CACNB2: variants seen among roughly 807,000 people sequenced by gnomAD.
CACNB2 encodes the protein voltage-dependent L-type calcium channel subunit beta-2.
CACNB2 carries 42 observed loss-of-function variants against 73.3 expected under a neutral mutation model. That is an observed-to-expected ratio of 0.57 (90% CI 0.45 to 0.74). The LOEUF is 0.74. Among genes scored for constraint, CACNB2 ranks in the 30% least tolerant of loss-of-function variants. The probability of loss-of-function intolerance (pLI) is 0.00; values close to 1 mark genes in which losing one functional copy is unlikely to be tolerated. For missense variants in CACNB2, 940 were observed against 853.0 expected (o/e 1.10, Z -1.27); for synonymous variants, 348 against 310.3 (o/e 1.12, Z -1.28).
chr10:18,332,648 A>G (rs1369090865), intron 2 of CACNB2, among the ~76,000 whole-genome samples: 2 of 152,180 alleles, frequency 1.3e-5, no homozygotes, highest in Non-Finnish European at 2.9e-5. Flanking sequence ...GAGGATTAGG[A>G]AACAGGGTGA....
chr10:18,348,796 C>T (rs1266628876), intron 2 of CACNB2, among the ~76,000 whole-genome samples: 3 of 152,098 alleles, frequency 2.0e-5, no homozygotes, highest in Non-Finnish European at 4.4e-5. Context: ...AGCCACTGTG[C>T]CCAGATACAA....
chr10:18,230,933 C>T (rs2036201467), intron 2 of CACNB2, among the ~76,000 whole-genome samples: 1 of 151,502 alleles, frequency 6.6e-6, no homozygotes, highest in Non-Finnish European at 1.5e-5. Context: ...AAAGAAAAAC[C>T]CAGAAATTTC....
At chr10:18,273,975 A>G (rs1309094967) in intron 2 of CACNB2, among the ~76,000 whole-genome samples, 1 of 152,184 alleles carries the variant, frequency 6.6e-6, no homozygotes, top group African/African-American at 2.4e-5. Context: ...AGGTCTGAAC[A>G]AACACTGTTC....
chr10:18,539,346 AG>A lies in CACNB2; in HGVS notation c.1606del (p.Ala536ProfsTer33). 6.2e-7 allele frequency: 1 copy of A among 1,614,112 alleles called. No individual in the cohort carries two copies. On this transcript the variant is annotated frameshift_variant, in exon 14 of 14. Transcript: ENST00000324631. LOFTEE classifies it high-confidence loss of function. ...KKSQHRSSSS[A>X]PHHNHRSGTS... is the part of the protein sequence containing the mutation. ...AATCCCAGCACCGCTCTTCCTCCTCAGCCCCACACCACAACCATCGCAGTGG... is the reference window on the plus strand; with the variant it reads ...AATCCCAGCACCGCTCTTCCTCCTCACCCCACACCACAACCATCGCAGTGG...
At position 18,540,360 on chromosome 10, in the gene CACNB2, A is replaced by C. The variant is rs1230209299; in HGVS notation, c.*636A>C. On this transcript the variant is annotated 3_prime_UTR_variant, in exon 14 of 14. Transcript: ENST00000324631. ...TATATATATATATCAGTTTGATCAC[A>C]CTATTTTAGAGTCTTAATGCCAAGT... is the stretch of plus-strand genomic sequence containing the variant. The C allele has an allele frequency of 6.6e-6, 1 of 152,040 alleles. No homozygotes were observed. 9.4% of individuals were successfully genotyped at this position (152,040 alleles called of 1,614,324 possible). A position where few individuals can be genotyped will look rare whatever the true frequency, so the allele number is the denominator to read the frequency against.
chr10:18,260,797 A>G (rs2037500840), intron 2 of CACNB2: 8 of 1,017,342 alleles, frequency 7.9e-6, no homozygotes, highest in Non-Finnish European at 9.4e-6. Flanking sequence ...CAGTCACATA[A>G]ACAGCAGCAG....
chr10:18,481,206 A>C (rs1434107706), intron 3 of CACNB2, among the ~76,000 whole-genome samples: 1 of 12,398 alleles, frequency 8.1e-5, no homozygotes, highest in Non-Finnish European at 1.4e-4. Flanking sequence ...ATATATATAT[A>C]TATATATATA....
At chr10:18,477,798 G>GCACTTTTCAGTAAATTGGCACTTTCCT (rs2048515596) in intron 3 of CACNB2, among the ~76,000 whole-genome samples, 1 of 152,212 alleles carries the variant, frequency 6.6e-6, no homozygotes, top group Non-Finnish European at 1.5e-5. Context: ...AGATAAGATG[G>GCACTTTTCAGTAAATTGGCACTTTCCT]ACACAGAGTA....
intron 2 of CACNB2, among the ~76,000 whole-genome samples, chr10:18,398,662 G>T (rs891323514): frequency 2.2e-4 from 32 of 144,926 alleles, no homozygotes; most frequent in African/African-American, 8.3e-4. Flanking sequence ...GTGACAGTGA[G>T]ACTGTCACAC....
Position 18,244,418 on chromosome 10 carries a change from A to G in CACNB2, c.213+93443A>G, listed in dbSNP as rs61844242. Among the ~76,000 whole-genome samples the G allele has an allele frequency of 4.0e-3, 610 of 152,326 alleles. 6 individuals carry two copies. The highest frequency in any genetic ancestry group is 0.02 in the Middle Eastern group (6 of 294). ...ATGTCAGTGATTATGGGGATCCCTA[A>G]AGGATATGGCTTTTCCTAACGTGCA... On this transcript the variant is annotated intron_variant, in intron 2 of 13. Transcript: ENST00000324631.
At chr10:18,390,792 A>C (rs575064257) in intron 2 of CACNB2, among the ~76,000 whole-genome samples, 1 of 152,358 alleles carries the variant, frequency 6.6e-6, no homozygotes, top group Admixed American at 6.5e-5. Flanking sequence ...TTATATTTAC[A>C]ATATATTCGC....
chr10:18,279,118 C>G (rs1015428526), intron 2 of CACNB2, among the ~76,000 whole-genome samples: 12 of 152,300 alleles, frequency 7.9e-5, no homozygotes, highest in Middle Eastern at 6.8e-3. Context: ...TTATCAAGGA[C>G]GTTTTAATTT....
rs1364684805 is a variant in CACNB2 at position 18,314,576 on chromosome 10, G to A, written c.214-87348G>A. Among the ~76,000 whole-genome samples, 3 of 150,356 alleles carry A rather than the reference G, an allele frequency of 2.0e-5. No homozygotes were observed. The East Asian group carries it at 5.8e-4, about 29-fold the overall frequency. On this transcript the variant is annotated intron_variant, in intron 2 of 13. Coordinates refer to ENST00000324631, the MANE Select transcript of CACNB2 (RefSeq NM_201596.3). Reference sequence around the variant, plus strand: ...TTCCACAGTTCATCTTCCCACATTTGTGAGAAAAAAAAAACGTGAGCCACC... The same window carrying A: ...TTCCACAGTTCATCTTCCCACATTTATGAGAAAAAAAAAACGTGAGCCACC...
chr10:18,445,501 C>G (rs542318428), intron 3 of CACNB2, among the ~76,000 whole-genome samples: 1 of 152,252 alleles, frequency 6.6e-6, no homozygotes, highest in Admixed American at 6.5e-5. Flanking sequence ...TTCCTATGTA[C>G]AGGAGATTTC....
chr10:18,334,317 G>C (rs1033386217), intron 2 of CACNB2, among the ~76,000 whole-genome samples: 1 of 152,082 alleles, frequency 6.6e-6, no homozygotes, highest in Admixed American at 6.6e-5. Context: ...GCGTCTGTGC[G>C]CTTCTCCCAG....
Position 18,449,421 on chromosome 10 carries a change from A to G in CACNB2, c.333+47378A>G, listed in dbSNP as rs552286568. ...AAAATAAAACACACAACAACAAAAAACAGAGAACTCCAGTTCTACCTCTCC... is the reference window on the plus strand; with the variant it reads ...AAAATAAAACACACAACAACAAAAAGCAGAGAACTCCAGTTCTACCTCTCC... On this transcript the variant is annotated intron_variant, in intron 3 of 13. Coordinates refer to ENST00000324631, the MANE Select transcript of CACNB2 (RefSeq NM_201596.3). Among the ~76,000 whole-genome samples the G allele has an allele frequency of 4.5e-4, 68 of 152,100 alleles. 1 individual carries two copies. The highest frequency in any genetic ancestry group is 4.4e-3 in the Admixed American group (67 of 15,264).
At chr10:18,497,634 A>G (rs768815983) in intron 3 of CACNB2, among the ~76,000 whole-genome samples, 11 of 152,138 alleles carry the variant, frequency 7.2e-5, no homozygotes, top group African/African-American at 1.9e-4. Flanking sequence ...TATGTTGCCC[A>G]GGCTGATCTT....
chr10:18,216,629 T>C (rs2035524252), intron 2 of CACNB2, among the ~76,000 whole-genome samples: 1 of 152,228 alleles, frequency 6.6e-6, no homozygotes, highest in South Asian at 2.1e-4. Flanking sequence ...TGATAGCTTG[T>C]GCAGAAGAAC....
intron 2 of CACNB2, among the ~76,000 whole-genome samples, chr10:18,396,551 A>G (rs1005983676): frequency 1.3e-5 from 2 of 150,492 alleles, no homozygotes; most frequent in African/African-American, 4.9e-5. Flanking sequence ...GCTCACTGCA[A>G]CCTCCACCTC....
Sources: allele counts gnomAD v4.1 joint callset (sites outside exome capture counted in the v4.1 genomes callset), GRCh38; gene constraint gnomAD v4.1.1; transcripts MANE v1.5; gene names NCBI Gene and HGNC (gene_info 2026-07-23, HGNC 2026-07-21).